Variants in TDRD9 observed in about 807,000 individuals in gnomAD.
TDRD9 encodes tudor domain containing 9.
A neutral mutation model predicts 172.6 loss-of-function variants in TDRD9; 124 were observed. The observed-to-expected ratio is 0.72, with a 90% CI of 0.62 to 0.83. The LOEUF (loss-of-function observed/expected upper bound fraction) is 0.83. Ranked by LOEUF, TDRD9 falls within the 40% of genes least tolerant of loss-of-function variation. The pLI is 0.00. For missense variants in TDRD9, 1,479 were observed against 1,714.1 expected, an observed-to-expected ratio of 0.86 and a Z score of 2.42; for synonymous variants, 619 against 617.1, an observed-to-expected ratio of 1.00 and a Z score of -0.05.
intron 23 of TDRD9, among the ~76,000 whole-genome samples, chr14:104,021,468 G>A (rs980419944): frequency 2.6e-5 from 4 of 152,178 alleles, no homozygotes; most frequent in African/African-American, 9.7e-5. Context: ...GCTGAGATGG[G>A]CAGATCATGA....
intron 9 of TDRD9, among the ~76,000 whole-genome samples, chr14:103,991,933 T>C (rs2033886407): frequency 6.6e-6 from 1 of 152,152 alleles, no homozygotes; most frequent in South Asian, 2.1e-4. Flanking sequence ...AGAGTTCAGC[T>C]TTTTGAAGGC....
chr14:103,940,917 G>T (rs547372848), intron 1 of TDRD9: 2 of 1,535,384 alleles, frequency 1.3e-6, no homozygotes, highest in Non-Finnish European at 1.7e-6. Flanking sequence ...TTTCATCTTT[G>T]TCTGCCCTCT....
chr14:103,996,041 G>A (rs1336830577), intron 12 of TDRD9, among the ~76,000 whole-genome samples: 1 of 152,176 alleles, frequency 6.6e-6, no homozygotes, highest in African/African-American at 2.4e-5. Flanking sequence ...AAGTGTTTGG[G>A]GTGTTCCACT....
chr14:103,997,937 A>C lies in TDRD9; in HGVS notation c.1379-687A>C, dbSNP rs1328976407. On this transcript the variant is annotated intron_variant, in intron 12 of 35. Transcript: ENST00000409874. The surrounding 1 kb of genome is among the most constrained non-coding windows in gnomAD (Gnocchi z 5.1). ...ATGAACAAAGAACCGGTGGCGGCAC[A>C]CAACACTCCACAGGTGCTTTGCTGT... Among the ~76,000 whole-genome samples, 1 of 152,114 alleles carries C rather than the reference A, an allele frequency of 6.6e-6. No homozygotes were observed. Among genetic ancestry groups the C allele is most frequent in the East Asian group, 1.9e-4 (1 of 5,184 alleles).
At chr14:103,970,719 TG>T (rs2032984533) in intron 6 of TDRD9, 98 bp downstream of exon 6, 1 of 936,890 alleles carries the variant, frequency 1.1e-6, no homozygotes, top group Admixed American at 2.2e-5. Context: ...TAGAGCATTC[TG>T]GGACCCCGGA....
In TDRD9 at chr14:104,026,081, T is replaced by G. The variant is rs770715130; in HGVS notation, c.2966T>G (p.Val989Gly). ...GTAGATTATGGCAATAAGTCTCATG[T>G]AGATCTACATCTTTTGATGGAGATT... Reference protein sequence around the residue: ...FFVDYGNKSHVDLHLLMEIPC... With the variant: ...FFVDYGNKSHGDLHLLMEIPC... The change falls in exon 27 of 36, where the codon GTA (valine) becomes GGA (glycine). Residue 989 changes from valine to glycine, a missense_variant. Val to Gly is a moderately radical substitution (Grantham distance 109). Coordinates refer to ENST00000409874, the MANE Select transcript of TDRD9 (RefSeq NM_153046.3). 6.2e-7 allele frequency: 1 copy of G among 1,611,496 alleles called. No homozygotes were observed. Among genetic ancestry groups the G allele is most frequent in the East Asian group, 2.2e-5 (1 of 44,876 alleles).
intron 35 of TDRD9, 67 bp from the exon 36 acceptor site, chr14:104,051,914 A>C: frequency 2.1e-6 from 2 of 937,176 alleles, no homozygotes; most frequent in Middle Eastern, 2.1e-4. Context: ...ATGTTAATGC[A>C]TGTGTATTTT....
chr14:103,994,979 C>G (rs1266615381), intron 11 of TDRD9, among the ~76,000 whole-genome samples: 1 of 148,938 alleles, frequency 6.7e-6, no homozygotes, highest in Non-Finnish European at 1.5e-5. Context: ...AAAAAAATCA[C>G]ATTTCAGCAG....
At chr14:104,030,893 G>C (rs536480758) in intron 28 of TDRD9, among the ~76,000 whole-genome samples, 50 of 152,258 alleles carry the variant, frequency 3.3e-4, no homozygotes, top group African/African-American at 1.1e-3. Flanking sequence ...ACGAGTTAAT[G>C]GGTGCAGCAC....
chr14:103,978,319 ACCTGTAATCT>A (rs1234284141), intron 7 of TDRD9, among the ~76,000 whole-genome samples: 1 of 152,060 alleles, frequency 6.6e-6, no homozygotes, highest in African/African-American at 2.4e-5. Context: ...AGTGGCTCAC[ACCTGTAATCT>A]CAGCACTTTG....
At chr14:104,036,336 A>G (rs1477237600) in intron 32 of TDRD9, among the ~76,000 whole-genome samples, 1 of 152,166 alleles carries the variant, frequency 6.6e-6, no homozygotes, top group African/African-American at 2.4e-5. Flanking sequence ...TATGCCTTTA[A>G]TTGTTGAAAT....
chr14:104,045,390 C>CT (rs55844445), intron 34 of TDRD9, among the ~76,000 whole-genome samples: 34,501 of 133,644 alleles, frequency 0.26, 4,680 homozygotes, highest in South Asian at 0.45. Flanking sequence ...GTCATTTATC[C>CT]TTTTTTTTTT....
chr14:103,986,353 A>G (rs376641233), intron 8 of TDRD9, 33 bp downstream of exon 8: 40 of 1,446,480 alleles, frequency 2.8e-5, no homozygotes, highest in Non-Finnish European at 3.8e-5. Context: ...ATGCACTTTA[A>G]TGTATATGTG....
At chr14:103,984,250 G>C (rs999372587) in intron 7 of TDRD9, among the ~76,000 whole-genome samples, 14 of 152,204 alleles carry the variant, frequency 9.2e-5, no homozygotes, top group African/African-American at 2.9e-4. Flanking sequence ...AAGTAGTGAG[G>C]AGCTAAATGT....
At chr14:104,012,967 T>C (rs998439599) in intron 20 of TDRD9, among the ~76,000 whole-genome samples, 4 of 152,322 alleles carry the variant, frequency 2.6e-5, no homozygotes, top group Non-Finnish European at 5.9e-5. Context: ...GAGAGTGGCA[T>C]AGTCTTGGTT....
At chr14:103,981,794 A>G (rs1370116546) in intron 7 of TDRD9, among the ~76,000 whole-genome samples, 2 of 152,268 alleles carry the variant, frequency 1.3e-5, no homozygotes, top group Non-Finnish European at 2.9e-5. Flanking sequence ...CACTAAAAGT[A>G]AAAAGCAGAG....
chr14:103,942,544 T>G (rs1299502542), intron 1 of TDRD9, among the ~76,000 whole-genome samples: 1 of 152,248 alleles, frequency 6.6e-6, no homozygotes, highest in Non-Finnish European at 1.5e-5. Context: ...CGTGATGTGA[T>G]GCTTTGCTGT....
At chr14:104,008,523 A>G in intron 20 of TDRD9, 57 bp downstream of exon 20, 1 of 1,115,568 alleles carries the variant, frequency 9.0e-7, no homozygotes, top group South Asian at 1.3e-5. Context: ...TGAAATATTT[A>G]TTAAATGACA....
At chr14:104,006,905 A>G (rs764259724) in intron 18 of TDRD9, 60 bp downstream of exon 18, 3 of 1,424,056 alleles carry the variant, frequency 2.1e-6, no homozygotes, top group South Asian at 1.2e-5. Flanking sequence ...GTACATTTTC[A>G]TACCACAAAC....
Sources: allele counts gnomAD v4.1 joint callset (sites outside exome capture counted in the v4.1 genomes callset), GRCh38; gene constraint gnomAD v4.1.1; non-coding constraint Gnocchi (gnomAD v3.1); transcripts MANE v1.5; gene names NCBI Gene and HGNC (gene_info 2026-07-23, HGNC 2026-07-21).